The following SF3A2 variants were observed in gnomAD, a reference collection of about 807,000 sequenced individuals.
SF3A2 encodes SAP 62.
A neutral mutation model predicts 31.1 loss-of-function variants in SF3A2; 5 were observed. The observed-to-expected ratio is 0.16, with a 90% CI of 0.08 to 0.34. The LOEUF (loss-of-function observed/expected upper bound fraction) is 0.34. SF3A2 is among the 10% of genes least tolerant of loss of function. The pLI, the probability that SF3A2 is intolerant of heterozygous loss-of-function variation, is 1.00. For missense variants in SF3A2, 577 were observed against 643.9 expected, an observed-to-expected ratio of 0.90 and a Z score of 1.13; for synonymous variants, 365 against 263.7, an observed-to-expected ratio of 1.38 and a Z score of -3.72.
chr19:2,243,602 T>C (rs2024908533), intron 2 of SF3A2, 58 bp downstream of exon 2: 2 of 1,470,442 alleles, frequency 1.4e-6, no homozygotes, highest in South Asian at 1.4e-5. Context: ...AGGGCAGCCC[T>C]GGAGAGGGTG....
chr19:2,239,830 G>T (rs1007370051), intron 1 of SF3A2, among the ~76,000 whole-genome samples: 1 of 151,910 alleles, frequency 6.6e-6, no homozygotes, highest in Non-Finnish European at 1.5e-5. Flanking sequence ...GGAATTTTTT[G>T]TTTGGATCGT....
Position 2,245,237 on chromosome 19 carries a change from C to T in SF3A2, c.246-209C>T. On this transcript the variant is annotated intron_variant, in intron 4 of 8. Transcript: ENST00000221494. This position sits in a 1 kb window ranked among gnomAD's most constrained non-coding sequence, Gnocchi z 4.2. The stretch of plus-strand genomic sequence containing the variant: ...CATGGAGTTGTTGGAAGGGCCCCAG[C>T]CAGGGACAGTGAGGAGCATGACAGG... The T allele has an allele frequency of 7.3e-6, 4 of 545,810 alleles. No homozygotes were observed. The highest frequency in any genetic ancestry group is 9.7e-6 in the Non-Finnish European group (3 of 309,498). 33.8% of individuals were successfully genotyped at this position (545,810 alleles called of 1,614,324 possible). A position where few individuals can be genotyped will look rare whatever the true frequency, so the allele number is the denominator to read the frequency against.
chr19:2,237,056 T>C (rs1274591061), intron 1 of SF3A2, 155 bp downstream of exon 1: 2 of 149,778 alleles, frequency 1.3e-5, no homozygotes, highest in Admixed American at 6.6e-5. Context: ...CGTCCGGCCT[T>C]GTGCATCCTG....
rs964379871 is a variant in SF3A2, at chr19:2,245,442, G to A, written c.246-4G>A. 56 of 1,548,734 alleles carry A rather than the reference G, an allele frequency of 3.6e-5. No individual in the cohort carries two copies. In the East Asian group the frequency reaches 1.2e-3, roughly 33 times the overall value. On this transcript the variant is annotated splice_polypyrimidine_tract_variant and splice_region_variant and intron_variant, in intron 4 of 8. Transcript: ENST00000221494. This position sits in a 1 kb window ranked among gnomAD's most constrained non-coding sequence, Gnocchi z 4.2. ...TCCCAGCAGCACCTCCATCCTGTCC[G>A]CAGGGCCCGGCGAGCAGCCAAGGAG...
rs1264037984 is a variant in SF3A2, at chr19:2,246,349, G to C, written c.356-404G>C. ...CCAGGCTGCTGAGCTCTGGCGGGAA[G>C]GGCATCCTCTCTCGCTCACCGTATA... is the stretch of plus-strand genomic sequence containing the variant. On this transcript the variant is annotated intron_variant, in intron 5 of 8. Coordinates refer to ENST00000221494, the MANE Select transcript of SF3A2 (RefSeq NM_007165.5). The surrounding 1 kb of genome is among the most constrained non-coding windows in gnomAD (Gnocchi z 5.5). Among the ~76,000 whole-genome samples the C allele has an allele frequency of 6.6e-6, 1 of 152,162 alleles. No individual in the cohort carries two copies. The highest frequency in any genetic ancestry group is 1.5e-5 in the Non-Finnish European group (1 of 68,012).
rs1198505215 is a variant in SF3A2, at chr19:2,245,427, ACCTC to A, written c.246-17_246-14del. The A allele has an allele frequency of 2.0e-6, 3 of 1,534,370 alleles. No homozygotes were observed. In the Admixed American group the frequency reaches 5.9e-5, roughly 30 times the overall value. On this transcript the variant is annotated splice_polypyrimidine_tract_variant and intron_variant, in intron 4 of 8. Transcript: ENST00000221494. The surrounding 1 kb of genome is among the most constrained non-coding windows in gnomAD (Gnocchi z 4.2). Reference sequence around the variant, plus strand: ...CTGTGTGTGGAGGGGTCCCAGCAGCACCTCCATCCTGTCCGCAGGGCCCGGCGAG... The same window carrying A: ...CTGTGTGTGGAGGGGTCCCAGCAGCACATCCTGTCCGCAGGGCCCGGCGAG...
In SF3A2 at chr19:2,245,774, C is replaced by T; in HGVS notation, c.355+219C>T. The stretch of plus-strand genomic sequence containing the variant: ...ACCCATCTCACCCAGCAGCCCATTT[C>T]CCAGCTGAGCCACAGTCTGTGCCCT... On this transcript the variant is annotated intron_variant, in intron 5 of 8. Transcript: ENST00000221494. This position sits in a 1 kb window ranked among gnomAD's most constrained non-coding sequence, Gnocchi z 4.2. 1.7e-6 allele frequency: 1 copy of T among 578,832 alleles called. No homozygotes were observed. The highest frequency in any genetic ancestry group is 3.1e-6 in the Non-Finnish European group (1 of 323,018). 35.9% of individuals were successfully genotyped at this position (578,832 alleles called of 1,614,324 possible).
intron 1 of SF3A2, among the ~76,000 whole-genome samples, chr19:2,240,927 C>G (rs554683230): frequency 6.6e-6 from 1 of 152,374 alleles, no homozygotes; most frequent in African/African-American, 2.4e-5. Context: ...CTGAGCTCCG[C>G]TCCTCCTGGG....
At chr19:2,238,832 T>C (rs2024864030) in intron 1 of SF3A2, among the ~76,000 whole-genome samples, 1 of 152,206 alleles carries the variant, frequency 6.6e-6, no homozygotes, top group Admixed American at 6.5e-5. Context: ...CTGGTTGTGC[T>C]CTGACCTGGA....
chr19:2,247,235 G>A (rs1386250591), intron 7 of SF3A2: 2 of 119,040 alleles, frequency 1.7e-5, no homozygotes, highest in African/African-American at 7.3e-5. Flanking sequence ...CAATGAGAAG[G>A]GAGGCCGGCA....
intron 1 of SF3A2, among the ~76,000 whole-genome samples, chr19:2,242,612 G>A (rs1232401700): frequency 6.6e-6 from 1 of 152,192 alleles, no homozygotes; most frequent in Non-Finnish European, 1.5e-5. Context: ...TCAGTCTCAT[G>A]GGCCCCATCT....
In SF3A2 at chr19:2,247,886, A is replaced by G. The variant is rs757033149; in HGVS notation, c.735A>G (p.Pro245=). 2.0e-6 allele frequency: 3 copies of G among 1,494,792 alleles called. No individual in the cohort carries two copies. The South Asian group carries it at 3.4e-5, about 17-fold the overall frequency. The allele number at this position is 1,494,792 out of a possible 1,614,324, so 92.6% of individuals were successfully genotyped here. The change falls in exon 9 of 9, where the codon CCA becomes CCG. Residue 245 remains proline, a synonymous_variant. Coordinates refer to ENST00000221494, the MANE Select transcript of SF3A2 (RefSeq NM_007165.5). ...PPLMNGLPPR[P]PLPESLPPPP... Reference sequence around the variant, plus strand: ...TGATGAACGGTCTGCCCCCTCGGCCACCGCTGCCTGAGTCTTTGCCACCGC... The same window carrying G: ...TGATGAACGGTCTGCCCCCTCGGCCGCCGCTGCCTGAGTCTTTGCCACCGC...
Position 2,236,901 on chromosome 19 carries a change from G to A in SF3A2, c.-38G>A, listed in dbSNP as rs2024826438. Reference sequence around the variant, plus strand: ...AGGAGATAACGCGGCCTTGGGCTCTGGTGAGGAGTAGAGGCGGTTGAGGGC... The same window carrying A: ...AGGAGATAACGCGGCCTTGGGCTCTAGTGAGGAGTAGAGGCGGTTGAGGGC... On this transcript the variant is annotated splice_region_variant and 5_prime_UTR_variant, in exon 1 of 9. Coordinates refer to ENST00000221494, the MANE Select transcript of SF3A2 (RefSeq NM_007165.5). 6.6e-6 allele frequency: 1 copy of A among 152,254 alleles called. No homozygotes were observed. Among genetic ancestry groups the A allele is most frequent in the Non-Finnish European group, 1.5e-5 (1 of 68,040 alleles). 9.4% of individuals were successfully genotyped at this position (152,254 alleles called of 1,614,324 possible).
chr19:2,244,418 G>A (rs1218062773), intron 2 of SF3A2, 126 bp from the exon 3 acceptor site: 2 of 732,718 alleles, frequency 2.7e-6, no homozygotes, highest in South Asian at 1.7e-5. Context: ...GTCAGCGGTA[G>A]CCATGCCTCT....
chr19:2,237,832 T>C (rs2024848557), intron 1 of SF3A2: 1 of 152,208 alleles, frequency 6.6e-6, no homozygotes, highest in East Asian at 1.9e-4. Context: ...CACCCCGCTG[T>C]GACCGTTGTT....
At chr19:2,240,165 A>G (rs1362479245) in intron 1 of SF3A2, among the ~76,000 whole-genome samples, 1 of 152,146 alleles carries the variant, frequency 6.6e-6, no homozygotes, top group African/African-American at 2.4e-5. Context: ...TTTCCCCGGA[A>G]AAGACTCCTG....
intron 2 of SF3A2, among the ~76,000 whole-genome samples, chr19:2,244,152 T>C (rs1343166640): frequency 6.6e-6 from 1 of 152,096 alleles, no homozygotes; most frequent in Admixed American, 6.5e-5. Flanking sequence ...CCCATTTGCT[T>C]TTCTTGTGCC....
At position 2,248,277 on chromosome 19, in the gene SF3A2, GC is replaced by G; in HGVS notation, c.1130del (p.Pro377ArgfsTer69). 7.2e-7 allele frequency: 1 copy of G among 1,392,654 alleles called. No individual in the cohort carries two copies. Among genetic ancestry groups the G allele is most frequent in the Non-Finnish European group, 9.3e-7 (1 of 1,077,658 alleles). 86.3% of individuals were successfully genotyped at this position (1,392,654 alleles called of 1,614,324 possible). A position where few individuals can be genotyped will look rare whatever the true frequency, so the allele number is the denominator to read the frequency against. On this transcript the variant is annotated frameshift_variant, in exon 9 of 9. Coordinates refer to ENST00000221494, the MANE Select transcript of SF3A2 (RefSeq NM_007165.5). LOFTEE classifies it low-confidence loss of function (END_TRUNC). Reference sequence around the variant, plus strand: ...CCCATCAGCGGGGGTTCACCCCCAGGCCCCGGGGGTGCACCCAGCAGCCCCC... The same window carrying G: ...CCCATCAGCGGGGGTTCACCCCCAGGCCCGGGGGTGCACCCAGCAGCCCCC... ...PPPSAGVHPQ[A>X]PGVHPAAPAV...
At position 2,248,064 on chromosome 19, in the gene SF3A2, G is replaced by A; in HGVS notation, c.913G>A (p.Ala305Thr). The change falls in exon 9 of 9, where the codon GCT becomes ACT. Residue 305 changes from alanine to threonine, a missense_variant. Physicochemically the swap from Ala to Thr is moderately conservative, Grantham distance 58. Coordinates refer to ENST00000221494, the MANE Select transcript of SF3A2 (RefSeq NM_007165.5). ...HPPASGVHPPAPGVHPPAPGV... is the reference protein window; with the variant it reads ...HPPASGVHPPTPGVHPPAPGV... The stretch of plus-strand genomic sequence containing the variant: ...CCCTGCATCTGGGGTCCATCCCCCA[G>A]CTCCTGGCGTCCACCCCCCAGCTCC... 3.3e-6 allele frequency: 3 copies of A among 915,406 alleles called. No homozygotes were observed. The highest frequency in any genetic ancestry group is 3.3e-6 in the Non-Finnish European group (2 of 598,712). 56.7% of individuals were successfully genotyped at this position (915,406 alleles called of 1,614,324 possible).
Sources: allele counts gnomAD v4.1 joint callset (sites outside exome capture counted in the v4.1 genomes callset), GRCh38; gene constraint gnomAD v4.1.1; non-coding constraint Gnocchi (gnomAD v3.1); transcripts MANE v1.5; gene names NCBI Gene and HGNC (gene_info 2026-07-23, HGNC 2026-07-21).